STIM1: variants seen among roughly 807,000 people sequenced by gnomAD.
STIM1 encodes the protein stromal interaction molecule 1.
Under a neutral mutation model 74.7 loss-of-function variants are expected in STIM1, and 25 were observed. The ratio of observed to expected loss-of-function variants is 0.33; its 90% CI spans 0.24 to 0.47. The LOEUF is 0.47. STIM1 is among the 20% of genes least tolerant of loss of function. The pLI is 1.00. For synonymous variants in STIM1, 328 were observed against 348.8 expected (o/e 0.94, Z 0.66); for missense variants, 728 against 920.8 (o/e 0.79, Z 2.71).
intron 1 of STIM1, among the ~76,000 whole-genome samples, chr11:3,862,034 A>C (rs1233313404): frequency 6.6e-6 from 1 of 152,146 alleles, no homozygotes; most frequent in African/African-American, 2.4e-5. Flanking sequence ...GGTTGTTGTC[A>C]GGCTTTTAGG....
At chr11:3,941,673 T>TATAGAGAGAGAG (rs141623520) in intron 1 of STIM1, among the ~76,000 whole-genome samples, 1,353 of 90,632 alleles carry the variant, frequency 0.015, 7 homozygotes, top group South Asian at 0.026. Flanking sequence ...TATATATATA[T>TATAGAGAGAGAG]AGAGAGAGAG....
At chr11:3,917,574 A>G (rs1371032536) in intron 1 of STIM1, among the ~76,000 whole-genome samples, 1 of 151,962 alleles carries the variant, frequency 6.6e-6, no homozygotes, top group African/African-American at 2.4e-5. Context: ...AGCTGGGACT[A>G]CAGGCGCATG....
At chr11:3,876,042 G>A (rs1213527300) in intron 1 of STIM1, among the ~76,000 whole-genome samples, 2 of 152,178 alleles carry the variant, frequency 1.3e-5, no homozygotes, top group Non-Finnish European at 2.9e-5. Flanking sequence ...CTGTGGCTCA[G>A]TTCCTCTACT....
chr11:3,999,961 C>T (rs975112847), intron 2 of STIM1, among the ~76,000 whole-genome samples: 3 of 152,148 alleles, frequency 2.0e-5, no homozygotes, highest in African/African-American at 7.2e-5. Context: ...GGGTCCTACG[C>T]CCATGGAGTC....
At chr11:4,019,810 T>C (rs2093939001) in intron 2 of STIM1, among the ~76,000 whole-genome samples, 1 of 152,234 alleles carries the variant, frequency 6.6e-6, no homozygotes, top group African/African-American at 2.4e-5. Context: ...TTCAAAATCC[T>C]TTCTTCTAGC....
chr11:4,091,112 C>T (rs1388645346), intron 12 of STIM1, among the ~76,000 whole-genome samples, 170 bp from the exon 13 acceptor site: 3 of 151,962 alleles, frequency 2.0e-5, no homozygotes, highest in Non-Finnish European at 4.4e-5. Context: ...TTCCTCTTTC[C>T]TCTCTCCTTC....
chr11:4,051,998 C>T (rs2094246619), intron 3 of STIM1, among the ~76,000 whole-genome samples: 1 of 152,192 alleles, frequency 6.6e-6, no homozygotes. Context: ...AGTGAACTCC[C>T]ATTCACAATT....
At chr11:3,903,913 G>T (rs2092408201) in intron 1 of STIM1, among the ~76,000 whole-genome samples, 1 of 152,112 alleles carries the variant, frequency 6.6e-6, no homozygotes, top group African/African-American at 2.4e-5. Flanking sequence ...AATGTCCTGG[G>T]AAAGGCTGGG....
At chr11:4,089,178 G>A (rs369754747) in intron 12 of STIM1, 7 of 195,732 alleles carry the variant, frequency 3.6e-5, no homozygotes, top group South Asian at 3.0e-4. Context: ...AGCCGAGATC[G>A]CGCCATTGCA....
At chr11:3,965,344 T>C (rs1313951285) in intron 1 of STIM1, among the ~76,000 whole-genome samples, 2 of 152,344 alleles carry the variant, frequency 1.3e-5, no homozygotes, top group Admixed American at 6.5e-5. Flanking sequence ...ACTTAGCACA[T>C]AGTGTTTTAA....
At chr11:3,863,814 A>G (rs1162381775) in intron 1 of STIM1, among the ~76,000 whole-genome samples, 2 of 152,184 alleles carry the variant, frequency 1.3e-5, no homozygotes, top group Admixed American at 6.5e-5. Flanking sequence ...TTACTTCATA[A>G]TGGCCCCAAA....
Position 3,895,669 on chromosome 11 carries a change from T to C in STIM1, c.139+39260T>C, listed in dbSNP as rs60034535. Among the ~76,000 whole-genome samples, 10 of 39,836 alleles carry C rather than the reference T, an allele frequency of 2.5e-4. 1 individual carries two copies. The highest frequency in any genetic ancestry group is 3.1e-4 in the Non-Finnish European group (7 of 22,676). 26.1% of individuals were successfully genotyped at this position (39,836 alleles called of 152,430 possible). ...TTCTTTCTTTCTTTCTTTCTTTCTT[T>C]CTTTCCTTCCTTCCTTCTTTCTTTC... On this transcript the variant is annotated intron_variant, in intron 1 of 12. Transcript: ENST00000526596.
chr11:3,971,534 CA>C (rs908835002), intron 2 of STIM1, among the ~76,000 whole-genome samples: 4 of 150,070 alleles, frequency 2.7e-5, no homozygotes, highest in Non-Finnish European at 4.4e-5. Flanking sequence ...GTCTCAAAAA[CA>C]AAAAAAACAA....
intron 2 of STIM1, among the ~76,000 whole-genome samples, chr11:4,020,575 A>G (rs1464978550): frequency 1.3e-5 from 2 of 151,332 alleles, no homozygotes; most frequent in Non-Finnish European, 2.9e-5. Context: ...TTTTTCACAT[A>G]TCTTTTGGAC....
At chr11:3,941,003 C>T (rs932667099) in intron 1 of STIM1, among the ~76,000 whole-genome samples, 4 of 152,158 alleles carry the variant, frequency 2.6e-5, no homozygotes, top group African/African-American at 9.7e-5. Context: ...GTTTACTTCT[C>T]TGTGCCTCAG....
chr11:4,006,077 G>A (rs867883009), intron 2 of STIM1, among the ~76,000 whole-genome samples: 2 of 152,214 alleles, frequency 1.3e-5, no homozygotes, highest in Non-Finnish European at 2.9e-5. Context: ...GTAATCCCCA[G>A]TGCTGGAGGT....
chr11:4,072,392 T>TC (rs1301828091), intron 6 of STIM1, among the ~76,000 whole-genome samples: 2 of 152,194 alleles, frequency 1.3e-5, no homozygotes, highest in Admixed American at 6.5e-5. Context: ...ACATATACAG[T>TC]CCAGTTAGGA....
rs1311329283 is a variant in STIM1, at chr11:4,091,690, G to C, written c.2043G>C (p.Lys681Asn). The C allele has an allele frequency of 1.2e-6, 2 of 1,614,254 alleles. No individual in the cohort carries two copies. The highest frequency in any genetic ancestry group is 1.7e-6 in the Non-Finnish European group (2 of 1,180,048). Residue 681 changes from lysine to asparagine, a missense_variant, in exon 13 of 13, where the codon AAG becomes AAC. Lys to Asn is a moderately conservative substitution (Grantham distance 94, BLOSUM62 0). Transcript: ENST00000526596. ...CACGCATTCCCCACCTGGCTGGCAA[G>C]AAGGCTGTGGCTGAGGAGGATAATG... is the stretch of plus-strand genomic sequence containing the variant. ...RNTRIPHLAG[K>N]KAVAEEDNGS... is the part of the protein sequence containing the mutation.
At chr11:3,960,544 A>T (rs1044395493) in intron 1 of STIM1, among the ~76,000 whole-genome samples, 1 of 152,240 alleles carries the variant, frequency 6.6e-6, no homozygotes, top group Admixed American at 6.5e-5. Context: ...TGTATTAAAG[A>T]TCCATTCAAA....
Sources: gnomAD v4.1 joint callset for allele counts (sites outside exome capture counted in the v4.1 genomes callset) on GRCh38, gnomAD v4.1.1 for gene constraint, MANE v1.5 for transcripts, NCBI Gene and HGNC (gene_info 2026-07-23, HGNC 2026-07-21) for gene names.